The following WDPCP variants were observed in gnomAD, a reference collection of about 807,000 sequenced individuals.
The protein encoded by WDPCP is WD repeat containing planar cell polarity effector.
WDPCP carries 71 observed loss-of-function variants against 93.1 expected under a neutral mutation model. That is an observed-to-expected ratio of 0.76 (90% confidence interval 0.63 to 0.93). The LOEUF (loss-of-function observed/expected upper bound fraction) is 0.93. WDPCP is among the 40% of genes least tolerant of loss of function. The pLI, the probability that WDPCP is intolerant of heterozygous loss-of-function variation, is 0.00. For synonymous variants in WDPCP, 315 were observed against 315.0 expected, an observed-to-expected ratio of 1.00 and a Z score of 0.00; for missense variants, 844 against 887.4, an observed-to-expected ratio of 0.95 and a Z score of 0.62.
intron 1 of WDPCP, among the ~76,000 whole-genome samples, chr2:63,531,618 G>A (rs371912236): frequency 1.4e-4 from 22 of 152,312 alleles, no homozygotes; most frequent in South Asian, 8.3e-4. Flanking sequence ...ACCTGCAGCT[G>A]AGGGTCCTGA....
chr2:63,823,337 C>T (rs541917642), intron 1 of WDPCP, among the ~76,000 whole-genome samples: 78 of 152,104 alleles, frequency 5.1e-4, no homozygotes, highest in African/African-American at 1.8e-3. Context: ...GATACCCCGT[C>T]TCTACTAAAA....
chr2:63,189,072 T>G (rs1674850246), intron 14 of WDPCP, among the ~76,000 whole-genome samples: 1 of 152,204 alleles, frequency 6.6e-6, no homozygotes, highest in Non-Finnish European at 1.5e-5. Context: ...TTCTTTCCTG[T>G]GTCTTCGCGG....
chr2:63,645,350 T>C (rs1250459402), intron 3 of WDPCP, among the ~76,000 whole-genome samples: 1 of 152,228 alleles, frequency 6.6e-6, no homozygotes, highest in Non-Finnish European at 1.5e-5. Context: ...TTGTACTCCA[T>C]TGTGATCAGA....
chr2:63,121,199 A>G lies in WDPCP; in HGVS notation c.*807T>C, dbSNP rs766079802. On this transcript the variant is annotated 3_prime_UTR_variant, in exon 18 of 18. Transcript: ENST00000272321. ...GCCCCTTTCTCCAGAGGGAAACAGT[A>G]TCTGTGTTCTAAGGGGCAGTCAGGG... 2.0e-5 allele frequency among the ~76,000 whole-genome samples: 3 copies of G among 152,040 alleles called. No homozygotes were observed. Among genetic ancestry groups the G allele is most frequent in the Admixed American group, 6.6e-5 (1 of 15,264 alleles).
At chr2:63,139,340 A>G (rs1257816884) in intron 17 of WDPCP, among the ~76,000 whole-genome samples, 4 of 152,164 alleles carry the variant, frequency 2.6e-5, no homozygotes, top group Non-Finnish European at 5.9e-5. Context: ...TAGACACCCA[A>G]TAGTGGGGTT....
chr2:63,588,999 A>G, upstream of WDPCP: 2 of 1,614,144 alleles, frequency 1.2e-6, no homozygotes, highest in Non-Finnish European at 1.7e-6. Flanking sequence ...TGACTCTCTG[A>G]GGCTCATTTT....
intron 13 of WDPCP, among the ~76,000 whole-genome samples, chr2:63,269,688 G>C (rs932581506): frequency 1.2e-4 from 19 of 152,126 alleles, no homozygotes; most frequent in African/African-American, 4.6e-4. Context: ...GGATTGATAG[G>C]TTTCTATGAG....
intron 2 of WDPCP, among the ~76,000 whole-genome samples, chr2:63,801,475 A>C (rs1236635844): frequency 6.6e-6 from 1 of 152,192 alleles, no homozygotes; most frequent in Non-Finnish European, 1.5e-5. Context: ...CAAAGCTCCC[A>C]CAGCATGGAA....
At chr2:63,333,708 A>G (rs190941806) in intron 12 of WDPCP, among the ~76,000 whole-genome samples, 35 of 152,306 alleles carry the variant, frequency 2.3e-4, no homozygotes, top group Admixed American at 2.3e-3. Context: ...TATTTCTTAA[A>G]TGTATTTAAG....
chr2:63,165,668 C>A (rs1330414964), intron 15 of WDPCP, among the ~76,000 whole-genome samples: 3 of 149,500 alleles, frequency 2.0e-5, no homozygotes, highest in Admixed American at 6.7e-5. Context: ...GTGGTGGACA[C>A]TTTTGGCAAT....
intron 6 of WDPCP, among the ~76,000 whole-genome samples, chr2:63,474,837 A>T (rs1052112966): frequency 6.6e-6 from 1 of 152,162 alleles, no homozygotes; most frequent in East Asian, 1.9e-4. Context: ...CAGTATATGT[A>T]TATCAACTAT....
intron 6 of WDPCP, 125 bp from the exon 7 acceptor site, chr2:63,439,996 A>G (rs1006829670): frequency 3.8e-5 from 26 of 687,926 alleles, no homozygotes; most frequent in Non-Finnish European, 6.7e-5. Flanking sequence ...CTACAAAATT[A>G]TAAAGATTTT....
At chr2:63,712,087 T>C (rs1669271903) in intron 2 of WDPCP, among the ~76,000 whole-genome samples, 1 of 152,202 alleles carries the variant, frequency 6.6e-6, no homozygotes, top group Admixed American at 6.5e-5. Context: ...TTTGGCGTAA[T>C]GGGACTTAGA....
intron 12 of WDPCP, among the ~76,000 whole-genome samples, chr2:63,338,398 A>G (rs1269555935): frequency 6.6e-6 from 1 of 151,466 alleles, no homozygotes; most frequent in African/African-American, 2.4e-5. Context: ...TTAAAGATAC[A>G]AAAATTAGCC....
intron 14 of WDPCP, among the ~76,000 whole-genome samples, chr2:63,252,159 C>T (rs1405938102): frequency 1.3e-5 from 2 of 152,102 alleles, no homozygotes; most frequent in Non-Finnish European, 2.9e-5. Flanking sequence ...CGTGATTCAC[C>T]ACATGAACAG....
intron 15 of WDPCP, 130 bp downstream of exon 15, chr2:63,174,540 T>C: frequency 8.5e-7 from 1 of 1,177,252 alleles, no homozygotes; most frequent in Non-Finnish European, 1.2e-6. Context: ...TACTGCAAAG[T>C]CTGAGCCATG....
chr2:63,374,802 T>G (rs1691712818), intron 12 of WDPCP, among the ~76,000 whole-genome samples: 1 of 150,366 alleles, frequency 6.7e-6, no homozygotes, highest in Non-Finnish European at 1.5e-5. Context: ...CTTTATCGTT[T>G]TACAATATTG....
At chr2:63,547,529 A>G (rs1705239855) in intron 1 of WDPCP, among the ~76,000 whole-genome samples, 1 of 150,012 alleles carries the variant, frequency 6.7e-6, no homozygotes, top group Non-Finnish European at 1.5e-5. Context: ...ATCAATGGAT[A>G]AACAGATAAA....
chr2:63,609,689 G>A (rs1292864567), intron 3 of WDPCP, among the ~76,000 whole-genome samples: 4 of 152,036 alleles, frequency 2.6e-5, no homozygotes, highest in African/African-American at 7.2e-5. Context: ...CCTGAGCAAT[G>A]TAGTGAGACC....
Sources: allele counts gnomAD v4.1 joint callset (sites outside exome capture counted in the v4.1 genomes callset), GRCh38; gene constraint gnomAD v4.1.1; transcripts MANE v1.5; gene names NCBI Gene and HGNC (gene_info 2026-07-23, HGNC 2026-07-21).